The following EGFR variants were observed in gnomAD, a reference collection of about 807,000 sequenced individuals.
EGFR encodes avian erythroblastic leukemia viral (v-erb-b) oncogene homolog.
A neutral mutation model predicts 143.0 loss-of-function variants in EGFR; 58 were observed. The ratio of observed to expected loss-of-function variants is 0.41; its 90% confidence interval spans 0.33 to 0.50. The LOEUF (loss-of-function observed/expected upper bound fraction) is 0.50. Among genes scored for constraint, EGFR ranks in the 20% least tolerant of loss-of-function variants. The pLI is 0.39. For synonymous variants in EGFR, 613 were observed against 594.4 expected (o/e 1.03, Z -0.45); for missense variants, 1,307 against 1,579.0 (o/e 0.83, Z 2.92).
At chr7:55,027,991 A>AATATATATATAT (rs374300539) in intron 1 of EGFR, among the ~76,000 whole-genome samples, 31 of 54,940 alleles carry the variant, frequency 5.6e-4, no homozygotes, top group East Asian at 1.7e-3. Context: ...AAAAAAAAAA[A>AATATATATATAT]ATATATATAT....
At chr7:55,077,973 G>A (rs2128887975) in intron 1 of EGFR, among the ~76,000 whole-genome samples, 1 of 152,288 alleles carries the variant, frequency 6.6e-6, no homozygotes, top group East Asian at 1.9e-4. Flanking sequence ...CTATCTGCAG[G>A]GACCGGTGAC....
intron 1 of EGFR, among the ~76,000 whole-genome samples, chr7:55,118,505 C>T (rs1357414089): frequency 6.6e-6 from 1 of 152,146 alleles, no homozygotes; most frequent in African/African-American, 2.4e-5. Flanking sequence ...TCCCCCACTC[C>T]CCGGCTGTGT....
At chr7:55,037,220 A>G (rs968534338) in intron 1 of EGFR, among the ~76,000 whole-genome samples, 6 of 152,220 alleles carry the variant, frequency 3.9e-5, no homozygotes, top group Admixed American at 1.3e-4. Context: ...TTTTAGCTCA[A>G]TTCAACTCAA....
At chr7:55,166,274 GA>G in intron 15 of EGFR, 1 of 569,352 alleles carries the variant, frequency 1.8e-6, no homozygotes, top group Non-Finnish European at 3.4e-6. Flanking sequence ...TCAACAATCA[GA>G]AAGAGAAGTT....
chr7:55,203,869 T>A (rs1179177359), intron 27 of EGFR, among the ~76,000 whole-genome samples: 1 of 151,482 alleles, frequency 6.6e-6, no homozygotes, highest in Non-Finnish European at 1.5e-5. Flanking sequence ...TAATATCTAA[T>A]ATCTATATAT....
intron 1 of EGFR, among the ~76,000 whole-genome samples, chr7:55,048,975 T>C (rs566975432): frequency 1.3e-5 from 2 of 152,170 alleles, no homozygotes; most frequent in South Asian, 2.1e-4. Flanking sequence ...CTCAGTGGAG[T>C]GGGTGCACTT....
At chr7:55,106,001 G>C (rs988749495) in intron 1 of EGFR, among the ~76,000 whole-genome samples, 1 of 152,198 alleles carries the variant, frequency 6.6e-6, no homozygotes, top group Non-Finnish European at 1.5e-5. Context: ...ATTTCTGTGT[G>C]CTTACTTGAA....
chr7:55,072,936 AT>A (rs1409273579), intron 1 of EGFR, among the ~76,000 whole-genome samples: 1 of 152,100 alleles, frequency 6.6e-6, no homozygotes, highest in Non-Finnish European at 1.5e-5. Flanking sequence ...TGTCTGGAAA[AT>A]TTCCTTATAA....
chr7:55,086,403 T>C (rs1562701464), intron 1 of EGFR, among the ~76,000 whole-genome samples: 2 of 152,212 alleles, frequency 1.3e-5, no homozygotes, highest in Admixed American at 6.5e-5. Flanking sequence ...ATCACTTGAG[T>C]ATGGGAAAAA....
intron 1 of EGFR, among the ~76,000 whole-genome samples, chr7:55,122,087 C>G (rs1164070891): frequency 1.3e-5 from 2 of 152,192 alleles, no homozygotes; most frequent in Non-Finnish European, 2.9e-5. Flanking sequence ...AGTCAATTCA[C>G]TGAAGAGATC....
intron 1 of EGFR, among the ~76,000 whole-genome samples, chr7:55,020,885 T>A (rs201859204): frequency 6.9e-6 from 1 of 144,196 alleles, no homozygotes; most frequent in Non-Finnish European, 1.5e-5. Context: ...TACCTGGGAT[T>A]AAAAAAAAAA....
chr7:55,195,763 C>T (rs1237244510), intron 22 of EGFR, among the ~76,000 whole-genome samples: 1 of 152,198 alleles, frequency 6.6e-6, no homozygotes, highest in Non-Finnish European at 1.5e-5. Context: ...TAAGTAAGAA[C>T]ATGCGGTATT....
intron 1 of EGFR, among the ~76,000 whole-genome samples, chr7:55,075,243 C>T (rs1425644465): frequency 6.6e-6 from 1 of 151,952 alleles, no homozygotes; most frequent in African/African-American, 2.4e-5. Context: ...GAGGATACTA[C>T]CTAGGACAGT....
rs1185915742 is a variant in EGFR at position 55,204,395 on chromosome 7, TATAGAC to T, written c.3272-857_3272-852del. On this transcript the variant is annotated intron_variant, in intron 27 of 27. Transcript: ENST00000275493. Reference sequence around the variant, plus strand: ...CACAGACACCACACATGCATAAACATATAGACATATACACACCACACACCATATGTA... The same window carrying T: ...CACAGACACCACACATGCATAAACATATATACACACCACACACCATATGTA... 2.3e-5 allele frequency among the ~76,000 whole-genome samples: 3 copies of T among 131,332 alleles called. No individual in the cohort carries two copies. The Admixed American group carries it at 2.4e-4, about 10-fold the overall frequency. The allele number at this position is 131,332 out of a possible 152,430, so 86.2% of individuals were successfully genotyped here.
chr7:55,066,167 T>C (rs766138520), intron 1 of EGFR, among the ~76,000 whole-genome samples: 2 of 152,166 alleles, frequency 1.3e-5, no homozygotes, highest in Non-Finnish European at 2.9e-5. Context: ...TTGCAAAGCC[T>C]CTTTCCCTGT....
chr7:55,121,666 A>G (rs1293880512), intron 1 of EGFR, among the ~76,000 whole-genome samples: 1 of 151,772 alleles, frequency 6.6e-6, no homozygotes, highest in Non-Finnish European at 1.5e-5. Context: ...GACATACAAC[A>G]CTCTATCACA....
chr7:55,201,069 T>G, intron 24 of EGFR, 119 bp from the exon 25 acceptor site: 1 of 1,271,532 alleles, frequency 7.9e-7, no homozygotes, highest in Non-Finnish European at 1.1e-6. Flanking sequence ...GGGGATTTCA[T>G]TATAACAAAA....
At chr7:55,044,967 G>A (rs545886445) in intron 1 of EGFR, among the ~76,000 whole-genome samples, 29 of 152,260 alleles carry the variant, frequency 1.9e-4, no homozygotes, top group Admixed American at 1.0e-3. Flanking sequence ...TCTTGGCTCC[G>A]TGAAAGTCCT....
At chr7:55,154,503 G>C (rs1311608689) in intron 7 of EGFR, among the ~76,000 whole-genome samples, 1 of 152,238 alleles carries the variant, frequency 6.6e-6, no homozygotes, top group Non-Finnish European at 1.5e-5. Context: ...CAAAGCCGTG[G>C]GCATGCCACT....
Sources: gnomAD v4.1 joint callset for allele counts (sites outside exome capture counted in the v4.1 genomes callset) on GRCh38, gnomAD v4.1.1 for gene constraint, MANE v1.5 for transcripts, NCBI Gene and HGNC (gene_info 2026-07-23, HGNC 2026-07-21) for gene names.